Variants in C12orf42 observed in about 807,000 individuals in gnomAD.
The protein encoded by C12orf42 is chromosome 12 open reading frame 42.
Under a neutral mutation model 21.6 loss-of-function variants are expected in C12orf42, and 25 were observed. The observed-to-expected ratio is 1.16, with a 90% CI of 0.84 to 1.62. The LOEUF is 1.62. C12orf42 is among the 40% of genes most tolerant of loss of function. The probability of loss-of-function intolerance (pLI) is 0.00; values close to 1 mark genes in which losing one functional copy is unlikely to be tolerated. For missense variants in C12orf42, 483 were observed against 459.3 expected (o/e 1.05, Z -0.47); for synonymous variants, 174 against 175.0 (o/e 0.99, Z 0.05).
chr12:103,200,474 T>G, the C12orf42 span, among the ~76,000 whole-genome samples: 1 of 152,216 alleles, frequency 6.6e-6, no homozygotes, highest in African/African-American at 2.4e-5. Flanking sequence ...ATATATTATA[T>G]TGTGTTCTAA....
intron 3 of C12orf42, among the ~76,000 whole-genome samples, chr12:103,397,347 C>A (rs1191273258): frequency 6.6e-6 from 1 of 152,178 alleles, no homozygotes; most frequent in Non-Finnish European, 1.5e-5. Flanking sequence ...AGCCCCAGGC[C>A]ATTAGGCACC....
upstream of C12orf42, among the ~76,000 whole-genome samples, chr12:103,498,951 A>G (rs927533109): frequency 5.3e-5 from 8 of 152,188 alleles, no homozygotes; most frequent in African/African-American, 1.7e-4. Context: ...ATGGGATGAT[A>G]GATGCAGCAA....
intron 4 of C12orf42, among the ~76,000 whole-genome samples, chr12:103,315,433 A>C (rs1029156509): frequency 1.3e-5 from 2 of 152,224 alleles, no homozygotes; most frequent in Admixed American, 6.5e-5. Context: ...GAATTAACAA[A>C]TGCCTTCAAT....
intron 2 of C12orf42, among the ~76,000 whole-genome samples, chr12:103,442,840 T>C (rs1951339948): frequency 6.6e-6 from 1 of 152,166 alleles, no homozygotes; most frequent in African/African-American, 2.4e-5. Context: ...AATTAATTTT[T>C]CAAACTGTTT....
At chr12:103,296,809 T>A (rs573048058) in intron 4 of C12orf42, among the ~76,000 whole-genome samples, 3 of 152,246 alleles carry the variant, frequency 2.0e-5, no homozygotes, top group African/African-American at 7.2e-5. Flanking sequence ...TTCTGTAGGT[T>A]GCCTGTTAAC....
chr12:103,523,845 G>T, the C12orf42 span, among the ~76,000 whole-genome samples: 1 of 152,116 alleles, frequency 6.6e-6, no homozygotes, highest in African/African-American at 2.4e-5. Flanking sequence ...AACAGATTCA[G>T]AATGTGTAGG....
intron 4 of C12orf42, among the ~76,000 whole-genome samples, chr12:103,360,470 T>C (rs1190856450): frequency 6.6e-6 from 1 of 151,968 alleles, no homozygotes; most frequent in African/African-American, 2.4e-5. Context: ...TGTCTCCAAA[T>C]CTAAGTCAAA....
chr12:103,422,279 C>T (rs1235557912), intron 2 of C12orf42, among the ~76,000 whole-genome samples: 2 of 152,134 alleles, frequency 1.3e-5, no homozygotes, highest in African/African-American at 4.8e-5. Context: ...AAGAAACAAC[C>T]CTCTGAAATG....
At chr12:103,276,249 A>C (rs2035765888) in intron 5 of C12orf42, among the ~76,000 whole-genome samples, 1 of 152,228 alleles carries the variant, frequency 6.6e-6, no homozygotes, top group African/African-American at 2.4e-5. Flanking sequence ...GCTATCTACC[A>C]AAAACCTACA....
chr12:103,446,275 A>G (rs1387716613), intron 2 of C12orf42, among the ~76,000 whole-genome samples: 1 of 152,034 alleles, frequency 6.6e-6, no homozygotes, highest in Non-Finnish European at 1.5e-5. Flanking sequence ...AGCTTCATAA[A>G]TGAAAAAAAG....
the C12orf42 span, among the ~76,000 whole-genome samples, chr12:103,108,883 A>G: frequency 6.6e-6 from 1 of 152,310 alleles, no homozygotes; most frequent in East Asian, 1.9e-4. Context: ...ACCTATGAAT[A>G]AATCCAAGCA....
intron 3 of C12orf42, among the ~76,000 whole-genome samples, chr12:103,399,371 A>G (rs76369078): frequency 0.011 from 1,627 of 150,892 alleles, 11 homozygotes; most frequent in Non-Finnish European, 0.017. Context: ...GTTGTTGTTT[A>G]TTTGTTTGTT....
intron 4 of C12orf42, among the ~76,000 whole-genome samples, chr12:103,291,266 A>G (rs2036802637): frequency 6.6e-6 from 1 of 152,186 alleles, no homozygotes; most frequent in Non-Finnish European, 1.5e-5. Flanking sequence ...ACTTTGGACA[A>G]GTAACCTCTT....
At chr12:103,552,522 T>C in the C12orf42 span, among the ~76,000 whole-genome samples, 1 of 152,206 alleles carries the variant, frequency 6.6e-6, no homozygotes, top group Non-Finnish European at 1.5e-5. Context: ...AGTGAGTACT[T>C]GCTACAAGGG....
intron 2 of C12orf42, among the ~76,000 whole-genome samples, chr12:103,459,869 T>C (rs1952571640): frequency 6.6e-6 from 1 of 152,220 alleles, no homozygotes; most frequent in Non-Finnish European, 1.5e-5. Context: ...GCTTTACTCA[T>C]GGCTGAGCTA....
At chr12:103,363,191 C>A (rs925975389) in intron 4 of C12orf42, among the ~76,000 whole-genome samples, 2 of 152,120 alleles carry the variant, frequency 1.3e-5, no homozygotes. Flanking sequence ...GGAAACCTTT[C>A]TTCAGCCTCC....
At chr12:103,555,359 T>C in the C12orf42 span, among the ~76,000 whole-genome samples, 1 of 152,060 alleles carries the variant, frequency 6.6e-6, no homozygotes, top group South Asian at 2.1e-4. Flanking sequence ...AACCATCAGA[T>C]CTCATGAGAC....
chr12:103,427,510 C>T (rs1949934594), intron 2 of C12orf42, among the ~76,000 whole-genome samples: 1 of 152,112 alleles, frequency 6.6e-6, no homozygotes, highest in African/African-American at 2.4e-5. Flanking sequence ...GGAGATTTGA[C>T]TCCCATACAA....
At chr12:103,457,633 AG>A (rs2137599950) in intron 2 of C12orf42, among the ~76,000 whole-genome samples, 1 of 152,294 alleles carries the variant, frequency 6.6e-6, no homozygotes, top group East Asian at 1.9e-4. Context: ...CATCTAGTTA[AG>A]TTGCCTAAAT....
Sources: allele counts gnomAD v4.1 joint callset (sites outside exome capture counted in the v4.1 genomes callset), GRCh38; gene constraint gnomAD v4.1.1; transcripts MANE v1.5; gene names NCBI Gene and HGNC (gene_info 2026-07-23, HGNC 2026-07-21).